NCOA3: variants seen among roughly 807,000 people sequenced by gnomAD.
NCOA3 encodes the protein CBP-interacting protein.
NCOA3 carries 51 observed loss-of-function variants against 158.8 expected under a neutral mutation model. The ratio of observed to expected loss-of-function variants is 0.32; its 90% CI spans 0.26 to 0.41. NCOA3 has a LOEUF of 0.41. Among genes scored for constraint, NCOA3 ranks in the 10% least tolerant of loss-of-function variants. The probability of loss-of-function intolerance (pLI) is 1.00; values close to 1 mark genes in which losing one functional copy is unlikely to be tolerated. For missense variants in NCOA3, 1,510 were observed against 1,746.6 expected, an observed-to-expected ratio of 0.86 and a Z score of 2.41; for synonymous variants, 537 against 592.4, an observed-to-expected ratio of 0.91 and a Z score of 1.36.
rs1489030152 is a variant in NCOA3, at chr20:47,636,117, A to G, written c.1731A>G (p.Gln577=). 1.9e-6 allele frequency: 3 copies of G among 1,614,222 alleles called. No homozygotes were observed. The highest frequency in any genetic ancestry group is 4.5e-5 in the East Asian group (2 of 44,888). Residue 577 remains glutamine, a synonymous_variant, in exon 12 of 23, where the codon CAA becomes CAG. Coordinates refer to ENST00000371998, the MANE Select transcript of NCOA3 (RefSeq NM_181659.3). ...SKSPLGFYCD[Q]NPVESSMCQS... ...GTCCTCTGGGCTTTTATTGCGACCAAAATCCAGTGGAGAGTTCAATGTGTC... is the reference window on the plus strand; with the variant it reads ...GTCCTCTGGGCTTTTATTGCGACCAGAATCCAGTGGAGAGTTCAATGTGTC...
chr20:47,561,834 T>C (rs978751685), intron 1 of NCOA3, among the ~76,000 whole-genome samples: 1 of 152,194 alleles, frequency 6.6e-6, no homozygotes, highest in Non-Finnish European at 1.5e-5. Context: ...TCTGTGAGTT[T>C]AGGCAAATTT....
At chr20:47,648,271 T>C (rs1430624546) in intron 18 of NCOA3, among the ~76,000 whole-genome samples, 4 of 152,238 alleles carry the variant, frequency 2.6e-5, no homozygotes, top group South Asian at 2.1e-4. Context: ...AAAGTCAGTT[T>C]AGGTACTCAG....
At chr20:47,502,934 GGAAGCTATGAGATTCTCTC>G (rs1452216165) in intron 1 of NCOA3, among the ~76,000 whole-genome samples, 10 of 152,034 alleles carry the variant, frequency 6.6e-5, no homozygotes, top group Non-Finnish European at 1.5e-4. Context: ...GGAATGACAC[GGAAGCTATGAGATTCTCTC>G]GAAGTCGAAA....
At chr20:47,520,777 G>C (rs945512310) in intron 1 of NCOA3, among the ~76,000 whole-genome samples, 2 of 152,094 alleles carry the variant, frequency 1.3e-5, no homozygotes, top group African/African-American at 4.8e-5. Context: ...GGTCCTTTGC[G>C]CTCACTGAAC....
intron 1 of NCOA3, among the ~76,000 whole-genome samples, chr20:47,567,832 A>C (rs1377066284): frequency 6.6e-6 from 1 of 152,056 alleles, no homozygotes; most frequent in Non-Finnish European, 1.5e-5. Context: ...TGGCCTCCCA[A>C]AGTGCTGGGA....
At chr20:47,603,035 A>T (rs1208126411) in intron 2 of NCOA3, among the ~76,000 whole-genome samples, 1 of 152,206 alleles carries the variant, frequency 6.6e-6, no homozygotes, top group Non-Finnish European at 1.5e-5. Flanking sequence ...TTGTAACCCA[A>T]ATGCCTTTCC....
At chr20:47,577,205 C>A (rs1003301521) in intron 1 of NCOA3, among the ~76,000 whole-genome samples, 3 of 152,134 alleles carry the variant, frequency 2.0e-5, no homozygotes, top group African/African-American at 7.2e-5. Flanking sequence ...TTTTAGCTAC[C>A]TTTACCCCAT....
chr20:47,502,702 CTTT>C (rs3083969), intron 1 of NCOA3, among the ~76,000 whole-genome samples: 6 of 139,306 alleles, frequency 4.3e-5, no homozygotes, highest in Non-Finnish European at 3.1e-5. Flanking sequence ...TTTATTACTA[CTTT>C]TTTTTTTTTT....
intron 20 of NCOA3, 138 bp from the exon 21 acceptor site, chr20:47,652,268 T>C (rs1034408175): frequency 2.5e-5 from 15 of 608,406 alleles, no homozygotes; most frequent in African/African-American, 1.5e-4. Flanking sequence ...CAGCATCTTA[T>C]AGCACTCTGT....
chr20:47,639,659 G>GGAACCTATGAATTCAAACTCC lies in NCOA3; in HGVS notation c.2791_2811dup (p.Glu931_Ser937dup), dbSNP rs1245342509. ...TACCAAACTCAAAGGCCGGCAGAAT[G>GGAACCTATGAATTCAAACTCC]GAACCTATGAATTCAAACTCCATGG... On this transcript the variant is annotated inframe_insertion, in exon 15 of 23. Transcript: ENST00000371998. The GGAACCTATGAATTCAAACTCC allele has an allele frequency of 2.5e-6, 4 of 1,613,998 alleles. No individual in the cohort carries two copies. The highest frequency in any genetic ancestry group is 3.4e-6 in the Non-Finnish European group (4 of 1,179,956).
At chr20:47,505,273 T>C (rs888231605) in intron 1 of NCOA3, among the ~76,000 whole-genome samples, 6 of 151,802 alleles carry the variant, frequency 4.0e-5, no homozygotes, top group Admixed American at 2.6e-4. Context: ...TTGGCCAGGC[T>C]GGTCTCGAAC....
intron 1 of NCOA3, among the ~76,000 whole-genome samples, chr20:47,505,493 C>T (rs1188825778): frequency 6.6e-6 from 1 of 151,932 alleles, no homozygotes; most frequent in Non-Finnish European, 1.5e-5. Context: ...GCAAATTTGT[C>T]ACAATTTAAT....
In NCOA3 at chr20:47,649,019, C is replaced by G. The variant is rs1248627407; in HGVS notation, c.3561C>G (p.Ser1187Arg). 1 of 1,612,960 alleles carries G rather than the reference C, an allele frequency of 6.2e-7. No individual in the cohort carries two copies. The highest frequency in any genetic ancestry group is 1.7e-5 in the Admixed American group (1 of 59,936). The change falls in exon 19 of 23, where the codon AGC becomes AGG. Residue 1187 changes from serine (S) to arginine (R), a missense_variant. Transcript: ENST00000371998. Reference sequence around the variant, plus strand: ...TCTCACCTCAGTTTTTGAATCAGAGCCGACAGGCACTTGAATTGAAAATGG... The same window carrying G: ...TCTCACCTCAGTTTTTGAATCAGAGGCGACAGGCACTTGAATTGAAAATGG... ...RLQGQQFLNQ[S>R]RQALELKMEN... is the part of the protein sequence containing the mutation.
chr20:47,547,818 C>T (rs979338852), intron 1 of NCOA3, among the ~76,000 whole-genome samples: 2 of 152,030 alleles, frequency 1.3e-5, no homozygotes, highest in African/African-American at 4.8e-5. Flanking sequence ...TGGGTTCAAG[C>T]GATTGTCGTG....
intron 1 of NCOA3, among the ~76,000 whole-genome samples, chr20:47,529,873 T>TA (rs567379244): frequency 2.6e-5 from 4 of 152,326 alleles, no homozygotes; most frequent in East Asian, 1.9e-4. Flanking sequence ...TTCCACCTTT[T>TA]AAAAAAACTT....
intron 2 of NCOA3, among the ~76,000 whole-genome samples, chr20:47,595,245 C>T (rs535518519): frequency 1.3e-5 from 2 of 152,080 alleles, no homozygotes; most frequent in South Asian, 2.1e-4. Context: ...ACTACAGGCA[C>T]GTACCACCAT....
At chr20:47,542,877 G>T (rs1429430399) in intron 1 of NCOA3, among the ~76,000 whole-genome samples, 1 of 152,134 alleles carries the variant, frequency 6.6e-6, no homozygotes, top group African/African-American at 2.4e-5. Context: ...CAGGAGGGAG[G>T]ATGTCTTGAG....
intron 17 of NCOA3, among the ~76,000 whole-genome samples, chr20:47,644,349 G>A (rs1411312486): frequency 6.6e-6 from 1 of 151,920 alleles, no homozygotes; most frequent in African/African-American, 2.4e-5. Flanking sequence ...CCGTGTTAGC[G>A]AGGATGGTCT....
At chr20:47,552,155 TATC>T (rs1467286279) in intron 1 of NCOA3, among the ~76,000 whole-genome samples, 5 of 152,232 alleles carry the variant, frequency 3.3e-5, no homozygotes, top group Non-Finnish European at 7.3e-5. Context: ...TGAAGTTAAT[TATC>T]ATATCACATT....
Sources: allele counts gnomAD v4.1 joint callset (sites outside exome capture counted in the v4.1 genomes callset), GRCh38; gene constraint gnomAD v4.1.1; transcripts MANE v1.5; gene names NCBI Gene and HGNC (gene_info 2026-07-23, HGNC 2026-07-21).